FAR1: variants seen among roughly 807,000 people sequenced by gnomAD.
The protein encoded by FAR1 is male sterility domain-containing protein 2.
In FAR1, 22 loss-of-function variants were observed where a neutral mutation model predicts 61.1. That is an observed-to-expected ratio of 0.36 (90% confidence interval 0.26 to 0.51). The LOEUF is 0.51. Among genes scored for constraint, FAR1 ranks in the 20% least tolerant of loss-of-function variants. The pLI is 0.95. For synonymous variants in FAR1, 206 were observed against 209.7 expected (o/e 0.98, Z 0.15); for missense variants, 359 against 626.9 (o/e 0.57, Z 4.56).
chr11:13,707,760 A>G (rs1338448344), intron 3 of FAR1, 140 bp from the exon 4 acceptor site: 2 of 490,338 alleles, frequency 4.1e-6, no homozygotes, highest in Non-Finnish European at 6.6e-6. Context: ...AATAAAATAC[A>G]CAAAATCACA....
intron 3 of FAR1, among the ~76,000 whole-genome samples, chr11:13,703,727 A>T (rs573915642): frequency 6.6e-6 from 1 of 152,134 alleles, no homozygotes; most frequent in African/African-American, 2.4e-5. Flanking sequence ...TAGGCTTAGG[A>T]TTCATAAGGA....
At chr11:13,682,917 C>G (rs1848144345) in intron 1 of FAR1, among the ~76,000 whole-genome samples, 1 of 152,066 alleles carries the variant, frequency 6.6e-6, no homozygotes, top group South Asian at 2.1e-4. Context: ...CAGCCAGTTC[C>G]CCCTTTTAAA....
intron 7 of FAR1, 48 bp downstream of exon 7, chr11:13,712,094 G>T: frequency 7.9e-7 from 1 of 1,266,848 alleles, no homozygotes; most frequent in Non-Finnish European, 1.2e-6. Flanking sequence ...TAACTGAAAA[G>T]GGAAGACATA....
At chr11:13,711,460 A>C (rs945497375) in intron 5 of FAR1, among the ~76,000 whole-genome samples, 3 of 152,206 alleles carry the variant, frequency 2.0e-5, no homozygotes, top group African/African-American at 7.2e-5. Context: ...AAACTTGAAC[A>C]AGCTTAATTT....
chr11:13,693,566 C>G (rs983307055), intron 1 of FAR1, among the ~76,000 whole-genome samples: 2 of 145,244 alleles, frequency 1.4e-5, no homozygotes, highest in African/African-American at 4.9e-5. Context: ...CTCTGCTGTT[C>G]TGTGAGCAAT....
chr11:13,714,757 GT>G, intron 9 of FAR1, 77 bp downstream of exon 9: 6 of 1,330,370 alleles, frequency 4.5e-6, no homozygotes, highest in Non-Finnish European at 6.1e-6. Context: ...TATTAACTCT[GT>G]ATTTGTTTAT....
chr11:13,683,410 G>A (rs1475412901), intron 1 of FAR1, among the ~76,000 whole-genome samples: 2 of 151,840 alleles, frequency 1.3e-5, no homozygotes, highest in Non-Finnish European at 2.9e-5. Context: ...AAAAGACAAA[G>A]CAGCATTGGA....
At chr11:13,709,739 T>A (rs898724377) in intron 4 of FAR1, among the ~76,000 whole-genome samples, 4 of 152,108 alleles carry the variant, frequency 2.6e-5, no homozygotes, top group Admixed American at 6.5e-5. Flanking sequence ...TTTCCTTTCA[T>A]ATACAAAAAG....
intron 1 of FAR1, among the ~76,000 whole-genome samples, chr11:13,674,834 G>A (rs1249863024): frequency 2.0e-5 from 3 of 152,146 alleles, no homozygotes; most frequent in Admixed American, 2.0e-4. Context: ...CAATTGGTCT[G>A]TTCTGTATTG....
Position 13,714,569 on chromosome 11 carries a change from A to G in FAR1, c.1016A>G (p.Asn339Ser), listed in dbSNP as rs545894851. 12 of 1,613,546 alleles carry G rather than the reference A, an allele frequency of 7.4e-6. No homozygotes were observed. Among genetic ancestry groups the G allele is most frequent in the Admixed American group, 3.3e-5 (2 of 59,978 alleles). ...CTCGAACAGGCCTTCAGACGGCCCA[A>G]TGTAAATCTAACCTCCAATCATCTT... ...NPLEQAFRRP[N>S]VNLTSNHLLY... Residue 339 changes from asparagine (N) to serine (S), a missense_variant, in exon 9 of 12, where the codon AAT (asparagine) becomes AGT (serine). By Grantham distance (46) the Asn-to-Ser change is conservative (BLOSUM62 1). Coordinates refer to ENST00000354817, the MANE Select transcript of FAR1 (RefSeq NM_032228.6).
At chr11:13,717,331 T>C (rs1002682439) in intron 9 of FAR1, among the ~76,000 whole-genome samples, 4 of 152,190 alleles carry the variant, frequency 2.6e-5, no homozygotes, top group Non-Finnish European at 2.9e-5. Flanking sequence ...AACGAGTTAC[T>C]GACTGCCCAT....
At chr11:13,672,712 T>C (rs1302709033) in intron 1 of FAR1, among the ~76,000 whole-genome samples, 2 of 152,194 alleles carry the variant, frequency 1.3e-5, no homozygotes, top group East Asian at 1.9e-4. Context: ...TTGGTAGGTG[T>C]GTTCCTATCT....
chr11:13,682,602 T>G (rs1007643074), intron 1 of FAR1, among the ~76,000 whole-genome samples: 1 of 152,158 alleles, frequency 6.6e-6, no homozygotes, highest in African/African-American at 2.4e-5. Context: ...GATTATCCTT[T>G]TTACTTTTTT....
At chr11:13,726,766 CA>C (rs1449798203) in intron 10 of FAR1, among the ~76,000 whole-genome samples, 1 of 151,002 alleles carries the variant, frequency 6.6e-6, no homozygotes, top group Non-Finnish European at 1.5e-5. Flanking sequence ...ATGGGATTCC[CA>C]ATAACATACA....
chr11:13,690,083 C>A (rs548389147), intron 1 of FAR1, among the ~76,000 whole-genome samples: 1 of 152,096 alleles, frequency 6.6e-6, no homozygotes, highest in Admixed American at 6.5e-5. Context: ...ACCATGTTGG[C>A]CAGGCTGGTC....
chr11:13,698,554 G>A lies in FAR1; in HGVS notation c.190-1763G>A, dbSNP rs182851346. Among the ~76,000 whole-genome samples the A allele has an allele frequency of 1.1e-4, 17 of 152,192 alleles. No homozygotes were observed. The East Asian group carries it at 2.7e-3, about 24-fold the overall frequency. Reference sequence around the variant, plus strand: ...TGCTTAAAATCTGTCAATAGCGACCGGGCTGGTGGCTCACGCCTATAATCC... The same window carrying A: ...TGCTTAAAATCTGTCAATAGCGACCAGGCTGGTGGCTCACGCCTATAATCC... On this transcript the variant is annotated intron_variant, in intron 2 of 11. Coordinates refer to ENST00000354817, the MANE Select transcript of FAR1 (RefSeq NM_032228.6).
rs557364861 is a variant in FAR1 at position 13,698,502 on chromosome 11, A to C, written c.190-1815A>C. 3.2e-3 allele frequency among the ~76,000 whole-genome samples: 484 copies of C among 152,290 alleles called. 2 individuals carry two copies. The highest frequency in any genetic ancestry group is 4.1e-3 in the Non-Finnish European group (278 of 68,024). ...ATTACTGCCAAAGGATTTTTTAAAA[A>C]TTATGAACATGCTTGTATCACCTCT... is the stretch of plus-strand genomic sequence containing the variant. On this transcript the variant is annotated intron_variant, in intron 2 of 11. Coordinates refer to ENST00000354817, the MANE Select transcript of FAR1 (RefSeq NM_032228.6).
At chr11:13,699,333 C>T (rs1057081310) in intron 2 of FAR1, among the ~76,000 whole-genome samples, 1 of 152,132 alleles carries the variant, frequency 6.6e-6, no homozygotes, top group East Asian at 1.9e-4. Flanking sequence ...ATGAAATACT[C>T]AGTAAGTTTT....
At chr11:13,715,290 A>C (rs769874026) in intron 9 of FAR1, among the ~76,000 whole-genome samples, 4 of 152,152 alleles carry the variant, frequency 2.6e-5, no homozygotes, top group Non-Finnish European at 5.9e-5. Flanking sequence ...CATTTCTTAG[A>C]ATTTGGAGAT....
Sources: allele counts gnomAD v4.1 joint callset (sites outside exome capture counted in the v4.1 genomes callset), GRCh38; gene constraint gnomAD v4.1.1; transcripts MANE v1.5; gene names NCBI Gene and HGNC (gene_info 2026-07-23, HGNC 2026-07-21).